PADI6: variants seen among roughly 807,000 people sequenced by gnomAD.
PADI6 encodes the protein inactive protein-arginine deiminase type-6.
A neutral mutation model predicts 78.2 loss-of-function variants in PADI6; 66 were observed. That is an observed-to-expected ratio of 0.84 (90% confidence interval 0.69 to 1.04). The LOEUF (loss-of-function observed/expected upper bound fraction) is 1.04, where lower values mean the gene tolerates loss of function less well. PADI6 is among the 50% of genes least tolerant of loss of function. PADI6 has a pLI of 0.00. For synonymous variants in PADI6, 397 were observed against 346.9 expected (o/e 1.14, Z -1.60); for missense variants, 854 against 866.1 (o/e 0.99, Z 0.18).
chr1:17,390,641 G>A (rs111484645), intron 8 of PADI6, among the ~76,000 whole-genome samples: 36 of 151,970 alleles, frequency 2.4e-4, no homozygotes, highest in Middle Eastern at 3.4e-3. Context: ...TCCAGGCTCC[G>A]TGGGTGTAGA....
chr1:17,389,506 AAG>A (rs781695344), intron 8 of PADI6, among the ~76,000 whole-genome samples: 16 of 152,148 alleles, frequency 1.1e-4, no homozygotes, highest in Admixed American at 2.6e-4. Flanking sequence ...AGGAGGGAGA[AAG>A]AGCCAAGATT....
In PADI6 at chr1:17,394,335, G is replaced by C; in HGVS notation, c.1218G>C (p.Glu406Asp). The C allele has an allele frequency of 6.2e-7, 1 of 1,613,888 alleles. No homozygotes were observed. The highest frequency in any genetic ancestry group is 8.5e-7 in the Non-Finnish European group (1 of 1,179,862). ...PGIGYMIQDT[E>D]DHKVASMDSI... ...TTGGCTACATGATCCAGGACACTGA[G>C]GACCATAAAGTGGCCAGCATGGATT... The change falls in exon 11 of 16, where the codon GAG becomes GAC. Residue 406 changes from glutamate to aspartate, a missense_variant. Physicochemically the swap from Glu to Asp is conservative, Grantham distance 45. Transcript: ENST00000619609.
chr1:17,383,721 C>A (rs2075094182), intron 6 of PADI6, among the ~76,000 whole-genome samples: 2 of 151,424 alleles, frequency 1.3e-5, no homozygotes, highest in South Asian at 4.2e-4. Flanking sequence ...CGGGCATGCC[C>A]GCCAGCTACT....
Position 17,381,173 on chromosome 1 carries a change from T to C in PADI6, c.553+9T>C. 1 of 1,576,534 alleles carries C rather than the reference T, an allele frequency of 6.3e-7. No individual in the cohort carries two copies. Among genetic ancestry groups the C allele is most frequent in the Non-Finnish European group, 8.6e-7 (1 of 1,159,186 alleles). Reference sequence around the variant, plus strand: ...AGTGATCTTTTCAGAGGGTAGGACCTCAGACTGTCTCTGCCTTTCCTTCTT... The same window carrying C: ...AGTGATCTTTTCAGAGGGTAGGACCCCAGACTGTCTCTGCCTTTCCTTCTT... On this transcript the variant is annotated intron_variant, in intron 5 of 15. Transcript: ENST00000619609.
intron 6 of PADI6, among the ~76,000 whole-genome samples, chr1:17,385,631 T>A (rs1311435836): frequency 6.6e-6 from 1 of 152,032 alleles, no homozygotes; most frequent in Admixed American, 6.6e-5. Flanking sequence ...CGAAGAGAGA[T>A]CAAAATGTCT....
At chr1:17,399,836 G>A (rs982675445) in intron 15 of PADI6, among the ~76,000 whole-genome samples, 12 of 151,910 alleles carry the variant, frequency 7.9e-5, no homozygotes, top group African/African-American at 2.9e-4. Context: ...TCTGAAGTTC[G>A]AGATCAGCCC....
chr1:17,377,562 C>T (rs1279880002), intron 3 of PADI6, among the ~76,000 whole-genome samples: 2 of 152,230 alleles, frequency 1.3e-5, no homozygotes, highest in African/African-American at 4.8e-5. Flanking sequence ...CAAATGGATT[C>T]TCTCTACTCC....
intron 9 of PADI6, 144 bp from the exon 10 acceptor site, chr1:17,393,831 C>T: frequency 1.4e-6 from 1 of 694,962 alleles, no homozygotes; most frequent in Admixed American, 2.2e-5. Context: ...GGAGAGCCTT[C>T]AAGAAGGGGT....
At chr1:17,388,648 G>A (rs542956531) in intron 7 of PADI6, 89 bp downstream of exon 7, 1 of 1,466,330 alleles carries the variant, frequency 6.8e-7, no homozygotes, top group Non-Finnish European at 9.3e-7. Flanking sequence ...CTTGAGGTTT[G>A]CTGGGGGAGA....
intron 6 of PADI6, among the ~76,000 whole-genome samples, chr1:17,383,480 C>T (rs563961771): frequency 5.3e-5 from 8 of 152,314 alleles, no homozygotes; most frequent in South Asian, 2.1e-4. Context: ...TGGAGTCCGC[C>T]GGTTCATGTA....
intron 7 of PADI6, 98 bp downstream of exon 7, chr1:17,388,657 G>A: frequency 6.8e-7 from 1 of 1,461,770 alleles, no homozygotes; most frequent in Non-Finnish European, 9.3e-7. Flanking sequence ...TGCTGGGGGA[G>A]AGCTGCAGAA....
rs533782378 is a variant in PADI6, at chr1:17,395,203, T to C, written c.1494+96T>C. 9 of 1,053,436 alleles carry C rather than the reference T, an allele frequency of 8.5e-6. No homozygotes were observed. In the South Asian group the frequency reaches 1.4e-4, roughly 16 times the overall value. 65.3% of individuals were successfully genotyped at this position (1,053,436 alleles called of 1,614,324 possible). ...AGAGAAAACTGGCTTTTTCTTGTTT[T>C]TTTTTTTTTTTGTTTGTTTTTTGAG... On this transcript the variant is annotated intron_variant, in intron 12 of 15. Transcript: ENST00000619609.
At chr1:17,376,132 G>T (rs1303180767) in intron 3 of PADI6, among the ~76,000 whole-genome samples, 2 of 151,930 alleles carry the variant, frequency 1.3e-5, no homozygotes, top group Admixed American at 1.3e-4. Context: ...GTGCCACCAT[G>T]CCTGGCTAAT....
At position 17,373,184 on chromosome 1, in the gene PADI6, A is replaced by T; in HGVS notation, c.245A>T (p.Tyr82Phe). ...TGGTGGCCCCTGTCTGATCCCACGT[A>T]CGCCACAGTGAAGATGACATCGCCC... is the stretch of plus-strand genomic sequence containing the variant. ...TIWWPLSDPT[Y>F]ATVKMTSPSP... Residue 82 changes from tyrosine (Y) to phenylalanine (F), a missense_variant, in exon 2 of 16, where the codon TAC becomes TTC. Physicochemically the swap from Tyr to Phe is conservative, Grantham distance 22. Coordinates refer to ENST00000619609, the MANE Select transcript of PADI6 (RefSeq NM_207421.4). The T allele has an allele frequency of 6.2e-7, 1 of 1,613,986 alleles. No individual in the cohort carries two copies. Among genetic ancestry groups the T allele is most frequent in the Non-Finnish European group, 8.5e-7 (1 of 1,179,872 alleles).
chr1:17,381,122 C>G lies in PADI6; in HGVS notation c.511C>G (p.Gln171Glu). The G allele has an allele frequency of 6.2e-7, 1 of 1,609,768 alleles. No individual in the cohort carries two copies. The highest frequency in any genetic ancestry group is 8.5e-7 in the Non-Finnish European group (1 of 1,178,202). The change falls in exon 5 of 16, where the codon CAA (glutamine) becomes GAA (glutamate). Residue 171 changes from glutamine (Q) to glutamate (E), a missense_variant. Coordinates refer to ENST00000619609, the MANE Select transcript of PADI6 (RefSeq NM_207421.4). Reference sequence around the variant, plus strand: ...TTGCAACCCTGCTGATGTGGGCCAGCAACTTGAGGACAAGAAAACCAAGAA... The same window carrying G: ...TTGCAACCCTGCTGATGTGGGCCAGGAACTTGAGGACAAGAAAACCAAGAA... ...VNCNPADVGQ[Q>E]LEDKKTKKVI...
Position 17,393,842 on chromosome 1 carries a change from G to A in PADI6, c.1075-133G>A, listed in dbSNP as rs115138744. 6,069 of 727,282 alleles carry A rather than the reference G, an allele frequency of 8.3e-3. 39 individuals are homozygous for A. The highest frequency in any genetic ancestry group is 0.011 in the Non-Finnish European group (4,661 of 414,934). The allele number at this position is 727,282 out of a possible 1,614,324, so 45.1% of individuals were successfully genotyped here. On this transcript the variant is annotated intron_variant, in intron 9 of 15. Coordinates refer to ENST00000619609, the MANE Select transcript of PADI6 (RefSeq NM_207421.4). ...GATCGGAGAGCCTTCAAGAAGGGGT[G>A]ATATCTGAGCTGGGTGTTGAGGGTT...
chr1:17,388,984 C>A, intron 8 of PADI6, 104 bp downstream of exon 8: 1 of 848,796 alleles, frequency 1.2e-6, no homozygotes, highest in Non-Finnish European at 1.9e-6. Flanking sequence ...GACCTCTCAC[C>A]AGGAGAGTTG....
At chr1:17,393,501 G>A (rs6678127) in intron 9 of PADI6, among the ~76,000 whole-genome samples, 91,778 of 151,892 alleles carry the variant, frequency 0.6, 27,978 homozygotes, top group South Asian at 0.67. Context: ...GATTCTTTAC[G>A]AAAGAAGAAA....
At chr1:17,388,360 C>T (rs2075143932) in intron 6 of PADI6, 21 bp from the exon 7 acceptor site, 3 of 1,591,972 alleles carry the variant, frequency 1.9e-6, no homozygotes, top group Non-Finnish European at 2.6e-6. Context: ...GTGGCTGGTC[C>T]ATCCCTTCTT....
Sources: gnomAD v4.1 joint callset for allele counts (sites outside exome capture counted in the v4.1 genomes callset) on GRCh38, gnomAD v4.1.1 for gene constraint, MANE v1.5 for transcripts, NCBI Gene and HGNC (gene_info 2026-07-23, HGNC 2026-07-21) for gene names.